The following KHDRBS2 variants were observed in gnomAD, a reference collection of about 807,000 sequenced individuals.
KHDRBS2 encodes KH domain-containing, RNA-binding, signal transduction-associated protein 2.
A neutral mutation model predicts 44.3 loss-of-function variants in KHDRBS2; 26 were observed. That is an observed-to-expected ratio of 0.59 (90% CI 0.43 to 0.81). The LOEUF (loss-of-function observed/expected upper bound fraction) is 0.81, where lower values mean the gene tolerates loss of function less well. Among genes scored for constraint, KHDRBS2 ranks in the 40% least tolerant of loss-of-function variants. The probability of loss-of-function intolerance (pLI) is 0.00; values close to 1 mark genes in which losing one functional copy is unlikely to be tolerated. For synonymous variants in KHDRBS2, 194 were observed against 151.1 expected, an observed-to-expected ratio of 1.28 and a Z score of -2.08; for missense variants, 476 against 433.1, an observed-to-expected ratio of 1.10 and a Z score of -0.88.
At chr6:61,598,483 A>C in the KHDRBS2 span, among the ~76,000 whole-genome samples, 1 of 152,198 alleles carries the variant, frequency 6.6e-6, no homozygotes, top group Admixed American at 6.5e-5. Flanking sequence ...CTGTCTACTC[A>C]CACATACTCC....
At chr6:61,655,225 T>TACACACAC in the KHDRBS2 span, among the ~76,000 whole-genome samples, 1,585 of 145,280 alleles carry the variant, frequency 0.011, 26 homozygotes, top group African/African-American at 0.035. Flanking sequence ...CATACATACA[T>TACACACAC]ACACACACAC....
chr6:62,083,072 A>G (rs1246418759), intron 2 of KHDRBS2, among the ~76,000 whole-genome samples: 3 of 152,120 alleles, frequency 2.0e-5, no homozygotes, highest in African/African-American at 7.2e-5. Context: ...AAGTAAGAAC[A>G]TGCATTCCTG....
intron 2 of KHDRBS2, among the ~76,000 whole-genome samples, chr6:62,062,268 C>T (rs903946464): frequency 2.7e-5 from 4 of 148,404 alleles, no homozygotes; most frequent in Admixed American, 1.4e-4. Flanking sequence ...CAGCTCTGCA[C>T]CAAGCAGACC....
At chr6:62,214,825 T>A (rs1829701612) in intron 1 of KHDRBS2, among the ~76,000 whole-genome samples, 1 of 151,932 alleles carries the variant, frequency 6.6e-6, no homozygotes. Context: ...CTGTAACATA[T>A]CACAATAATC....
chr6:61,635,334 G>A, the KHDRBS2 span, among the ~76,000 whole-genome samples: 1 of 151,954 alleles, frequency 6.6e-6, no homozygotes, highest in Admixed American at 6.6e-5. Context: ...GAAGATAAAA[G>A]GGAAGTGATG....
chr6:62,160,016 C>A (rs1817293451), intron 2 of KHDRBS2, among the ~76,000 whole-genome samples: 1 of 152,016 alleles, frequency 6.6e-6, no homozygotes, highest in Non-Finnish European at 1.5e-5. Context: ...TATTCTATAT[C>A]CTTTCATAAA....
intron 4 of KHDRBS2, among the ~76,000 whole-genome samples, chr6:61,936,803 C>A (rs1811112575): frequency 6.6e-6 from 1 of 151,864 alleles, no homozygotes; most frequent in Non-Finnish European, 1.5e-5. Flanking sequence ...CTAAGTTTTG[C>A]TGATGAGAAA....
At chr6:61,820,329 A>G (rs138687607) in intron 6 of KHDRBS2, among the ~76,000 whole-genome samples, 2 of 152,102 alleles carry the variant, frequency 1.3e-5, no homozygotes, top group East Asian at 3.9e-4. Context: ...TGTAAGTGTA[A>G]CCAAAATCAC....
At chr6:61,995,969 A>G (rs770726539) in intron 3 of KHDRBS2, among the ~76,000 whole-genome samples, 46 of 152,204 alleles carry the variant, frequency 3.0e-4, no homozygotes, top group Non-Finnish European at 5.3e-4. Flanking sequence ...CTAGACTTCC[A>G]TCAATGCATG....
intron 6 of KHDRBS2, among the ~76,000 whole-genome samples, chr6:61,841,766 T>C (rs1295578047): frequency 6.6e-6 from 1 of 152,182 alleles, no homozygotes; most frequent in Non-Finnish European, 1.5e-5. Flanking sequence ...TTTGAAGCAG[T>C]AATTGTTCTG....
Position 61,954,876 on chromosome 6 carries a change from G to GTATACA in KHDRBS2, c.483+23189_483+23190insTGTATA, listed in dbSNP as rs1554290748. Among the ~76,000 whole-genome samples the GTATACA allele has an allele frequency of 3.4e-3, 96 of 28,240 alleles. 23 individuals carry two copies. The highest frequency in any genetic ancestry group is 0.01 in the African/African-American group (91 of 8,988). The allele number at this position is 28,240 out of a possible 152,430, so 18.5% of individuals were successfully genotyped here. On this transcript the variant is annotated intron_variant, in intron 4 of 8. Coordinates refer to ENST00000281156, the MANE Select transcript of KHDRBS2 (RefSeq NM_152688.4). ...CATGTGTATATACACATACATATGT[G>GTATACA]TATATATGTATATATACACATACAT...
intron 8 of KHDRBS2, among the ~76,000 whole-genome samples, chr6:61,683,700 A>G (rs889819843): frequency 1.3e-5 from 2 of 151,922 alleles, no homozygotes; most frequent in Non-Finnish European, 2.9e-5. Context: ...CAATGAAGTA[A>G]TCGTAGTGCG....
intron 1 of KHDRBS2, among the ~76,000 whole-genome samples, chr6:62,261,415 T>C (rs1435636236): frequency 6.6e-6 from 1 of 151,838 alleles, no homozygotes; most frequent in African/African-American, 2.4e-5. Context: ...AACTAATTAG[T>C]CCCATTTTAT....
intron 3 of KHDRBS2, among the ~76,000 whole-genome samples, chr6:62,030,059 G>A (rs1484481966): frequency 6.6e-6 from 1 of 151,944 alleles, no homozygotes; most frequent in Non-Finnish European, 1.5e-5. Flanking sequence ...CAGTACAGTA[G>A]AAAATGTAAG....
the KHDRBS2 span, among the ~76,000 whole-genome samples, chr6:61,559,683 A>G: frequency 6.6e-6 from 1 of 152,200 alleles, no homozygotes; most frequent in Non-Finnish European, 1.5e-5. Context: ...CAAAGAAACA[A>G]GCAAATAGAC....
chr6:61,932,586 G>A (rs1219728710), intron 4 of KHDRBS2, among the ~76,000 whole-genome samples: 1 of 152,138 alleles, frequency 6.6e-6, no homozygotes, highest in Non-Finnish European at 1.5e-5. Context: ...GGATCACGAG[G>A]TCAGGAGATC....
intron 6 of KHDRBS2, among the ~76,000 whole-genome samples, chr6:61,744,776 G>A (rs1776634402): frequency 6.6e-6 from 1 of 151,896 alleles, no homozygotes; most frequent in Non-Finnish European, 1.5e-5. Flanking sequence ...TTTTACCCAA[G>A]GGGAGTACAA....
chr6:62,070,603 C>T (rs1412508234), intron 2 of KHDRBS2, among the ~76,000 whole-genome samples: 1 of 151,636 alleles, frequency 6.6e-6, no homozygotes, highest in Non-Finnish European at 1.5e-5. Context: ...GGTTTTTTGT[C>T]CTTGCGACAG....
At chr6:61,791,132 C>CT (rs1051028710) in intron 6 of KHDRBS2, among the ~76,000 whole-genome samples, 4 of 151,202 alleles carry the variant, frequency 2.6e-5, no homozygotes, top group South Asian at 2.1e-4. Context: ...TGAGTTTTCC[C>CT]TTTTTTTATT....
Sources: gnomAD v4.1 joint callset for allele counts (sites outside exome capture counted in the v4.1 genomes callset) on GRCh38, gnomAD v4.1.1 for gene constraint, MANE v1.5 for transcripts, NCBI Gene and HGNC (gene_info 2026-07-23, HGNC 2026-07-21) for gene names.